The following PDE4D variants were observed in gnomAD, a reference collection of about 807,000 sequenced individuals.
PDE4D encodes phosphodiesterase 4D.
Under a neutral mutation model 87.4 loss-of-function variants are expected in PDE4D, and 24 were observed. The observed-to-expected ratio is 0.27, with a 90% CI of 0.20 to 0.39. PDE4D has a LOEUF of 0.39. Among genes scored for constraint, PDE4D ranks in the 10% least tolerant of loss-of-function variants. The probability of loss-of-function intolerance (pLI) is 1.00; values close to 1 mark genes in which losing one functional copy is unlikely to be tolerated. For missense variants in PDE4D, 714 were observed against 1,041.0 expected, an observed-to-expected ratio of 0.69 and a Z score of 4.32; for synonymous variants, 384 against 383.2, an observed-to-expected ratio of 1.00 and a Z score of -0.02.
chr5:59,098,579 C>G (rs1260644293), intron 5 of PDE4D, among the ~76,000 whole-genome samples: 1 of 150,750 alleles, frequency 6.6e-6, no homozygotes, highest in Non-Finnish European at 1.5e-5. Context: ...TGGCATGCAC[C>G]TGTGGTTCCA....
chr5:59,372,811 C>A (rs774107189), intron 1 of PDE4D, among the ~76,000 whole-genome samples: 1 of 152,184 alleles, frequency 6.6e-6, no homozygotes, highest in Non-Finnish European at 1.5e-5. Flanking sequence ...CATCTCAGCA[C>A]CCCTAGCTGA....
rs28800920 is a variant in PDE4D, at chr5:60,134,305, T to A, written c.42+51252A>T. ...TGAGGCCAGGAGTTTGAGACCTACC[T>A]AAGTGACATCTCTTTTGTAGAGACC... is the stretch of plus-strand genomic sequence containing the variant. On this transcript the variant is annotated intron_variant, in intron 2 of 16. Coordinates refer to the PDE4D transcript ENST00000502484. Among the ~76,000 whole-genome samples, 679 of 152,188 alleles carry A rather than the reference T, an allele frequency of 4.5e-3. 3 individuals carry two copies. The highest frequency in any genetic ancestry group is 0.015 in the African/African-American group (638 of 41,510).
At chr5:60,008,474 A>G (rs764725633) in intron 2 of PDE4D, among the ~76,000 whole-genome samples, 20 of 152,156 alleles carry the variant, frequency 1.3e-4, no homozygotes, top group Admixed American at 5.9e-4. Flanking sequence ...TAAGTTTGGA[A>G]CCACAGCTTT....
At chr5:59,829,100 G>C (rs1457129299) in intron 1 of PDE4D, among the ~76,000 whole-genome samples, 1 of 151,886 alleles carries the variant, frequency 6.6e-6, no homozygotes, top group Non-Finnish European at 1.5e-5. Flanking sequence ...AGTAATTGTA[G>C]TGAGATTAAG....
chr5:60,516,176 G>C (rs1447441462), intron 1 of PDE4D, among the ~76,000 whole-genome samples: 1 of 152,188 alleles, frequency 6.6e-6, no homozygotes, highest in Non-Finnish European at 1.5e-5. Context: ...ATATATCAAT[G>C]TAATAAGAAA....
chr5:59,490,509 C>T (rs1805986545), intron 1 of PDE4D, among the ~76,000 whole-genome samples: 1 of 152,002 alleles, frequency 6.6e-6, no homozygotes, highest in South Asian at 2.1e-4. Context: ...AGAAAGAAAA[C>T]CAACTAAAAA....
At chr5:59,176,834 T>A (rs144132062) in intron 5 of PDE4D, among the ~76,000 whole-genome samples, 2 of 152,166 alleles carry the variant, frequency 1.3e-5, no homozygotes, top group Non-Finnish European at 2.9e-5. Flanking sequence ...GTGTATCATC[T>A]CTATCACAAA....
chr5:60,513,230 A>G (rs1750652897), intron 1 of PDE4D, among the ~76,000 whole-genome samples: 1 of 152,162 alleles, frequency 6.6e-6, no homozygotes. Flanking sequence ...TAAATATATA[A>G]GATTGAAGGT....
At chr5:60,022,175 G>T (rs924402529) in intron 2 of PDE4D, among the ~76,000 whole-genome samples, 1 of 111,754 alleles carries the variant, frequency 8.9e-6, no homozygotes, top group African/African-American at 3.6e-5. Flanking sequence ...CAGTTTTAAA[G>T]GTCATTTTTT....
At chr5:60,310,709 C>G (rs6888593) in intron 1 of PDE4D, among the ~76,000 whole-genome samples, 1 of 152,196 alleles carries the variant, frequency 6.6e-6, no homozygotes, top group African/African-American at 2.4e-5. Context: ...CAAATCCAAC[C>G]TTCGCTCTTG....
chr5:59,773,241 G>T (rs1763753275), intron 1 of PDE4D, among the ~76,000 whole-genome samples: 1 of 152,146 alleles, frequency 6.6e-6, no homozygotes, highest in African/African-American at 2.4e-5. Context: ...GCATAAGGAG[G>T]TTAAATAACT....
chr5:59,571,959 C>G (rs1821917035), intron 1 of PDE4D, among the ~76,000 whole-genome samples: 1 of 152,208 alleles, frequency 6.6e-6, no homozygotes, highest in Admixed American at 6.5e-5. Flanking sequence ...CGTCTACATC[C>G]TCTTTCCAGA....
intron 5 of PDE4D, among the ~76,000 whole-genome samples, chr5:59,062,157 A>G (rs1463260321): frequency 6.6e-6 from 1 of 152,176 alleles, no homozygotes; most frequent in Admixed American, 6.6e-5. Context: ...ACAGAAAGAC[A>G]AGATTCTCTG....
intron 1 of PDE4D, among the ~76,000 whole-genome samples, chr5:60,407,392 C>T (rs976110551): frequency 1.3e-5 from 2 of 151,370 alleles, no homozygotes; most frequent in African/African-American, 2.4e-5. Flanking sequence ...CCCTCTCTTC[C>T]CCTCTGCTTG....
chr5:59,725,650 C>T (rs1190372787), intron 1 of PDE4D, among the ~76,000 whole-genome samples: 1 of 151,988 alleles, frequency 6.6e-6, no homozygotes, highest in African/African-American at 2.4e-5. Flanking sequence ...AATAGTAAAC[C>T]TAATTTGAAA....
intron 1 of PDE4D, among the ~76,000 whole-genome samples, chr5:59,668,833 G>GAAGAA (rs1561441084): frequency 6.7e-4 from 36 of 54,064 alleles, no homozygotes; most frequent in Admixed American, 1.1e-3. Context: ...AAGAAGAAGA[G>GAAGAA]GAAGAGGAAG....
chr5:60,472,564 AGC>A (rs1384652655), intron 1 of PDE4D, among the ~76,000 whole-genome samples: 1 of 152,126 alleles, frequency 6.6e-6, no homozygotes, highest in Non-Finnish European at 1.5e-5. Flanking sequence ...CCTCATTACC[AGC>A]TTTACTCCCT....
At position 59,686,808 on chromosome 5, in the gene PDE4D, T is replaced by C. The variant is rs895037322; in HGVS notation, c.455+206360A>G. Among the ~76,000 whole-genome samples the C allele has an allele frequency of 1.2e-4, 18 of 152,268 alleles. No homozygotes were observed. In the South Asian group the frequency reaches 2.1e-3, roughly 18 times the overall value. On this transcript the variant is annotated intron_variant, in intron 1 of 14. Transcript: ENST00000340635. ...AAGGTGAGAACTAAATGCTCTTAAG[T>C]GAGAAAGATGATGGATCAATCTAGA... is the stretch of plus-strand genomic sequence containing the variant.
intron 1 of PDE4D, among the ~76,000 whole-genome samples, chr5:59,716,265 AG>A (rs1489738237): frequency 2.6e-5 from 4 of 152,214 alleles, no homozygotes; most frequent in African/African-American, 9.6e-5. Context: ...TGTCTGTAAA[AG>A]GTACAACTAC....
Sources: gnomAD v4.1 joint callset for allele counts (sites outside exome capture counted in the v4.1 genomes callset) on GRCh38, gnomAD v4.1.1 for gene constraint, MANE v1.5 for transcripts, NCBI Gene and HGNC (gene_info 2026-07-23, HGNC 2026-07-21) for gene names.